UVRAG: variants seen among roughly 807,000 people sequenced by gnomAD.
UVRAG encodes UV radiation resistance-associated gene protein.
In UVRAG, 19 loss-of-function variants were observed where a neutral mutation model predicts 78.0. The ratio of observed to expected loss-of-function variants is 0.24; its 90% CI spans 0.17 to 0.36. The LOEUF (loss-of-function observed/expected upper bound fraction) is 0.36, where lower values mean the gene tolerates loss of function less well. Among genes scored for constraint, UVRAG ranks in the 10% least tolerant of loss-of-function variants. The probability of loss-of-function intolerance (pLI) is 1.00; values close to 1 mark genes in which losing one functional copy is unlikely to be tolerated. For missense variants in UVRAG, 740 were observed against 853.8 expected (o/e 0.87, Z 1.66); for synonymous variants, 323 against 324.6 (o/e 1.00, Z 0.05).
chr11:75,927,472 TTG>T (rs1418317756), intron 6 of UVRAG, among the ~76,000 whole-genome samples: 1 of 152,232 alleles, frequency 6.6e-6, no homozygotes, highest in East Asian at 1.9e-4. Context: ...TTCTAGGCTC[TTG>T]TTATATACTG....
chr11:75,935,202 A>C (rs1948342933), intron 6 of UVRAG, among the ~76,000 whole-genome samples: 1 of 152,238 alleles, frequency 6.6e-6, no homozygotes, highest in South Asian at 2.1e-4. Context: ...ATATATTCCT[A>C]TCCAAAATGG....
chr11:75,974,645 C>T (rs1233306037), intron 7 of UVRAG, among the ~76,000 whole-genome samples: 3 of 152,154 alleles, frequency 2.0e-5, no homozygotes, highest in Non-Finnish European at 2.9e-5. Context: ...GGATTACAGG[C>T]GTGAGCCACC....
chr11:75,926,730 G>A (rs1014498444), intron 6 of UVRAG, among the ~76,000 whole-genome samples: 2 of 152,022 alleles, frequency 1.3e-5, no homozygotes, highest in Non-Finnish European at 2.9e-5. Flanking sequence ...CGGGGAGATG[G>A]CCAGGAAGAT....
chr11:75,833,854 A>C (rs1945717878), intron 1 of UVRAG, among the ~76,000 whole-genome samples: 1 of 152,210 alleles, frequency 6.6e-6, no homozygotes, highest in Non-Finnish European at 1.5e-5. Context: ...TGGTTTAAGA[A>C]CGTCTTTAAG....
intron 6 of UVRAG, among the ~76,000 whole-genome samples, chr11:75,941,952 T>A (rs1419018136): frequency 6.6e-6 from 1 of 152,128 alleles, no homozygotes; most frequent in Admixed American, 6.6e-5. Flanking sequence ...TGAAGGGTGC[T>A]AAAGCTTGAT....
At chr11:76,096,363 C>T (rs982160782) in intron 13 of UVRAG, among the ~76,000 whole-genome samples, 4 of 152,110 alleles carry the variant, frequency 2.6e-5, no homozygotes, top group East Asian at 1.9e-4. Flanking sequence ...CGTAAGAGTA[C>T]GTCCAAGGGA....
intron 9 of UVRAG, among the ~76,000 whole-genome samples, chr11:76,005,098 C>CT (rs1473382117): frequency 6.6e-6 from 1 of 152,122 alleles, no homozygotes; most frequent in African/African-American, 2.4e-5. Context: ...AATCCCAGCA[C>CT]TTTGGGAGGC....
intron 7 of UVRAG, among the ~76,000 whole-genome samples, chr11:75,978,960 T>C (rs1949321983): frequency 6.6e-6 from 1 of 152,238 alleles, no homozygotes; most frequent in Non-Finnish European, 1.5e-5. Context: ...CTCTGATTTT[T>C]AGAATTTTCA....
At chr11:75,906,801 T>C (rs1429632823) in intron 5 of UVRAG, among the ~76,000 whole-genome samples, 3 of 152,258 alleles carry the variant, frequency 2.0e-5, no homozygotes, top group Non-Finnish European at 4.4e-5. Context: ...TTGAGTAGTC[T>C]ATGAACCTTT....
intron 1 of UVRAG, among the ~76,000 whole-genome samples, chr11:75,848,469 C>G (rs1362342332): frequency 3.3e-5 from 5 of 152,032 alleles, no homozygotes. Context: ...TGGTAATCAC[C>G]CAGATGAAAA....
At chr11:76,013,586 TAA>T (rs1452652137) in intron 11 of UVRAG, among the ~76,000 whole-genome samples, 1 of 152,176 alleles carries the variant, frequency 6.6e-6, no homozygotes, top group Non-Finnish European at 1.5e-5. Context: ...CTGTGGCAGG[TAA>T]AAAAATCTTT....
chr11:75,840,020 A>G (rs1339966400), intron 1 of UVRAG, among the ~76,000 whole-genome samples: 1 of 152,082 alleles, frequency 6.6e-6, no homozygotes, highest in Non-Finnish European at 1.5e-5. Flanking sequence ...ATTTTGAAGC[A>G]AATCACAGGC....
At chr11:76,094,427 G>A (rs1338205216) in intron 13 of UVRAG, among the ~76,000 whole-genome samples, 1 of 152,216 alleles carries the variant, frequency 6.6e-6, no homozygotes, top group Non-Finnish European at 1.5e-5. Flanking sequence ...AGTTTCAGAA[G>A]GAATGGTACC....
At chr11:76,111,476 A>G (rs887730288) in intron 13 of UVRAG, among the ~76,000 whole-genome samples, 4 of 152,202 alleles carry the variant, frequency 2.6e-5, no homozygotes, top group African/African-American at 7.2e-5. Flanking sequence ...ATGAAGGTTT[A>G]CTTGCTGAAA....
chr11:75,820,721 A>G (rs961131595), intron 1 of UVRAG, among the ~76,000 whole-genome samples: 12 of 152,188 alleles, frequency 7.9e-5, no homozygotes, highest in Admixed American at 5.9e-4. Context: ...CAATATTTAT[A>G]TATTATTGAC....
At chr11:76,140,040 T>G (rs1952677780) in intron 14 of UVRAG, among the ~76,000 whole-genome samples, 1 of 134,726 alleles carries the variant, frequency 7.4e-6, no homozygotes, top group Non-Finnish European at 1.6e-5. Context: ...TTTTAAAATA[T>G]AACCTTGACT....
chr11:76,057,150 A>T (rs898359899), intron 12 of UVRAG, among the ~76,000 whole-genome samples: 1 of 152,200 alleles, frequency 6.6e-6, no homozygotes, highest in African/African-American at 2.4e-5. Context: ...TTTAAATTTT[A>T]TTTCAAGTGC....
chr11:76,129,739 A>C (rs1952478412), intron 14 of UVRAG, among the ~76,000 whole-genome samples: 1 of 152,024 alleles, frequency 6.6e-6, no homozygotes, highest in Non-Finnish European at 1.5e-5. Context: ...GTACATTTCC[A>C]TTCTGATCCA....
chr11:76,113,845 A>G (rs945415890), intron 13 of UVRAG, among the ~76,000 whole-genome samples: 1 of 152,014 alleles, frequency 6.6e-6, no homozygotes, highest in African/African-American at 2.4e-5. Context: ...CAAAGATTCT[A>G]TGATTTAAAA....
Sources: allele counts gnomAD v4.1 joint callset (sites outside exome capture counted in the v4.1 genomes callset), GRCh38; gene constraint gnomAD v4.1.1; transcripts MANE v1.5; gene names NCBI Gene and HGNC (gene_info 2026-07-23, HGNC 2026-07-21).